The following ALDH7A1 variants were observed in gnomAD, a reference collection of about 807,000 sequenced individuals.
The protein encoded by ALDH7A1 is alpha-aminoadipic semialdehyde dehydrogenase.
Under a neutral mutation model 79.9 loss-of-function variants are expected in ALDH7A1, and 63 were observed. The observed-to-expected ratio is 0.79, with a 90% CI of 0.64 to 0.97. The LOEUF (loss-of-function observed/expected upper bound fraction) is 0.97. Among genes scored for constraint, ALDH7A1 ranks in the 50% least tolerant of loss-of-function variants. The probability of loss-of-function intolerance (pLI) is 0.00; values close to 1 mark genes in which losing one functional copy is unlikely to be tolerated. For missense variants in ALDH7A1, 627 were observed against 665.2 expected (o/e 0.94, Z 0.63); for synonymous variants, 240 against 231.2 (o/e 1.04, Z -0.34).
At chr5:126,583,000 A>G (rs759014260) in intron 4 of ALDH7A1, 26 bp from the exon 5 acceptor site, 2 of 1,613,822 alleles carry the variant, frequency 1.2e-6, no homozygotes, top group South Asian at 2.2e-5. Context: ...GACAAGCAGA[A>G]TTTTTCCAAC....
chr5:126,573,116 CAAAAAAAAAA>C (rs11290126), intron 7 of ALDH7A1, among the ~76,000 whole-genome samples: 2 of 95,210 alleles, frequency 2.1e-5, no homozygotes, highest in Non-Finnish European at 4.3e-5. Flanking sequence ...CCATTTAAAG[CAAAAAAAAAA>C]AAAAAAAAAA....
chr5:126,547,461 G>GT (rs2112748003), intron 16 of ALDH7A1, among the ~76,000 whole-genome samples: 1 of 152,268 alleles, frequency 6.6e-6, no homozygotes, highest in African/African-American at 2.4e-5. Flanking sequence ...CTGAGAGCTG[G>GT]TACCCCACTG....
Position 126,595,000 on chromosome 5 carries a change from C to A in ALDH7A1, c.192+7G>T. On this transcript the variant is annotated splice_region_variant and intron_variant, in intron 1 of 17. Coordinates refer to ENST00000409134, the MANE Select transcript of ALDH7A1 (RefSeq NM_001182.5). The stretch of plus-strand genomic sequence containing the variant: ...CGGCTGCAGAGATTTCTTGAGCGCC[C>A]GCGTACCTCTCCCCGGCCTCCCCAG... The A allele has an allele frequency of 4.4e-6, 7 of 1,590,866 alleles. No homozygotes were observed. The highest frequency in any genetic ancestry group is 6.0e-6 in the Non-Finnish European group (7 of 1,169,512).
intron 1 of ALDH7A1, 150 bp downstream of exon 1, chr5:126,594,857 C>A: frequency 9.5e-7 from 1 of 1,056,426 alleles, no homozygotes; most frequent in Non-Finnish European, 1.4e-6. Flanking sequence ...TTTAAAGGCA[C>A]CCTACACGAG....
Position 126,550,429 on chromosome 5 carries a change from C to G in ALDH7A1, c.1318-136G>C, listed in dbSNP as rs929707796. On this transcript the variant is annotated intron_variant, in intron 14 of 17. Transcript: ENST00000409134. ...GAAACCAAAGAGTCAAGTTTACTCA[C>G]TCTGTTTCTCTTATAATTCAGATCA... 118 of 708,228 alleles carry G rather than the reference C, an allele frequency of 1.7e-4. 2 individuals carry two copies. The highest frequency in any genetic ancestry group is 1.4e-3 in the Middle Eastern group (5 of 3,596). 43.9% of individuals were successfully genotyped at this position (708,228 alleles called of 1,614,324 possible).
chr5:126,578,649 A>AG, intron 5 of ALDH7A1, among the ~76,000 whole-genome samples: 1 of 151,780 alleles, frequency 6.6e-6, no homozygotes, highest in East Asian at 1.9e-4. Flanking sequence ...AAAAAAAAAA[A>AG]AAAAAAGAAA....
At chr5:126,592,416 C>A in intron 3 of ALDH7A1, 1 of 539,942 alleles carries the variant, frequency 1.9e-6, no homozygotes, top group Non-Finnish European at 3.3e-6. Context: ...TATACTATAC[C>A]AGCACAAAGT....
chr5:126,592,330 T>C (rs1179984474), intron 3 of ALDH7A1: 2 of 292,054 alleles, frequency 6.8e-6, no homozygotes, highest in African/African-American at 4.4e-5. Flanking sequence ...ATTTCTGGCA[T>C]AGATCTTCTA....
At chr5:126,579,453 G>C (rs1301653100) in intron 5 of ALDH7A1, among the ~76,000 whole-genome samples, 2 of 152,106 alleles carry the variant, frequency 1.3e-5, no homozygotes, top group Non-Finnish European at 2.9e-5. Flanking sequence ...GATTATGCTG[G>C]ATATAATTAC....
chr5:126,569,399 G>GC (rs1253435035), intron 8 of ALDH7A1: 2 of 152,170 alleles, frequency 1.3e-5, no homozygotes, highest in African/African-American at 4.8e-5. Context: ...ATTTCCAGTT[G>GC]CTTCTAAGGA....
In ALDH7A1 at chr5:126,544,673, T is replaced by A; in HGVS notation, c.*292A>T. Reference sequence around the variant, plus strand: ...TTCCTACCCTGGTACGTACTATTTTTTTCTAATTACAAAATAATCATTAAC... The same window carrying A: ...TTCCTACCCTGGTACGTACTATTTTATTCTAATTACAAAATAATCATTAAC... On this transcript the variant is annotated 3_prime_UTR_variant, in exon 18 of 18. Transcript: ENST00000409134. 1 of 403,698 alleles carries A rather than the reference T, an allele frequency of 2.5e-6. No individual in the cohort carries two copies. Among genetic ancestry groups the A allele is most frequent in the East Asian group, 5.4e-5 (1 of 18,394 alleles). The allele number at this position is 403,698 out of a possible 1,614,324, so 25.0% of individuals were successfully genotyped here.
intron 3 of ALDH7A1, among the ~76,000 whole-genome samples, chr5:126,589,306 C>T (rs1751461655): frequency 6.6e-6 from 1 of 151,864 alleles, no homozygotes. Context: ...TACAGGCGCG[C>T]ACCACCATGC....
At chr5:126,555,835 A>T in intron 12 of ALDH7A1, 96 bp downstream of exon 12, 1 of 1,026,982 alleles carries the variant, frequency 9.7e-7, no homozygotes, top group Non-Finnish European at 1.5e-6. Context: ...CACGCCTCTC[A>T]GGAAAGGGAA....
intron 9 of ALDH7A1, among the ~76,000 whole-genome samples, chr5:126,562,842 A>G (rs1402415075): frequency 6.6e-6 from 1 of 152,086 alleles, no homozygotes; most frequent in Non-Finnish European, 1.5e-5. Flanking sequence ...GCGAGACTCC[A>G]TGGTTGTACC....
chr5:126,570,491 C>A, intron 8 of ALDH7A1: 1 of 365,382 alleles, frequency 2.7e-6, no homozygotes, highest in Non-Finnish European at 5.1e-6. Context: ...CTTGATAAAC[C>A]AAGTGTCAGG....
intron 7 of ALDH7A1, among the ~76,000 whole-genome samples, chr5:126,572,278 A>G (rs1218727950): frequency 6.6e-6 from 1 of 152,152 alleles, no homozygotes; most frequent in Non-Finnish European, 1.5e-5. Flanking sequence ...TCTTCCTTCC[A>G]ATCCAGGATC....
Position 126,595,130 on chromosome 5 carries a change from G to A in ALDH7A1, c.69C>T (p.Ser23=), listed in dbSNP as rs763900156. 8 of 1,573,348 alleles carry A rather than the reference G, an allele frequency of 5.1e-6. No homozygotes were observed. The highest frequency in any genetic ancestry group is 6.0e-6 in the Non-Finnish European group (7 of 1,158,586). ...AKTSKLSGPW[S]RPAAFMSTLL... ...GAGTGGACATGAAGGCGGCAGGCCT[G>A]CTCCAAGGTCCAGAGAGCTTGCTGG... Residue 23 remains serine (S), a synonymous_variant, in exon 1 of 18, where the codon AGC becomes AGT. Coordinates refer to ENST00000409134, the MANE Select transcript of ALDH7A1 (RefSeq NM_001182.5).
rs1015790945 is a variant in ALDH7A1 at position 126,546,353 on chromosome 5, G to A, written c.1536C>T (p.Ala512=). The A allele has an allele frequency of 5.6e-6, 9 of 1,614,016 alleles. No individual in the cohort carries two copies. In the East Asian group the frequency reaches 2.0e-4, roughly 36 times the overall value. The part of the protein sequence containing the change: ...TGGGRESGSD[A]WKQYMRRSTC... ...TAGACCTTCTCATGTACTGTTTCCA[G>A]GCATCACTGCCAGACTCCCTGCCAC... is the stretch of plus-strand genomic sequence containing the variant. Residue 512 remains alanine, a synonymous_variant, in exon 17 of 18, where the codon GCC becomes GCT. Transcript: ENST00000409134.
chr5:126,592,556 C>T, intron 3 of ALDH7A1, 108 bp downstream of exon 3: 1 of 1,137,248 alleles, frequency 8.8e-7, no homozygotes, highest in Non-Finnish European at 1.3e-6. Flanking sequence ...AAGGAGCTCA[C>T]ATTTTAACAA....
Sources: gnomAD v4.1 joint callset for allele counts (sites outside exome capture counted in the v4.1 genomes callset) on GRCh38, gnomAD v4.1.1 for gene constraint, MANE v1.5 for transcripts, NCBI Gene and HGNC (gene_info 2026-07-23, HGNC 2026-07-21) for gene names.